Variants in BNC2 observed in about 807,000 individuals in gnomAD.
BNC2 encodes basonuclin zinc finger protein 2, also known as zinc finger protein basonuclin-2.
BNC2 carries 20 observed loss-of-function variants against 76.3 expected under a neutral mutation model. The ratio of observed to expected loss-of-function variants is 0.26; its 90% CI spans 0.18 to 0.38. The LOEUF (loss-of-function observed/expected upper bound fraction) is 0.38, where lower values mean the gene tolerates loss of function less well. Ranked by LOEUF, BNC2 falls within the 10% of genes least tolerant of loss-of-function variation. The pLI, the probability that BNC2 is intolerant of heterozygous loss-of-function variation, is 1.00. For missense variants in BNC2, 1,382 were observed against 1,399.8 expected (o/e 0.99, Z 0.20); for synonymous variants, 582 against 514.8 (o/e 1.13, Z -1.77).
chr9:16,526,681 T>C (rs545329493), intron 5 of BNC2, among the ~76,000 whole-genome samples: 19 of 152,236 alleles, frequency 1.2e-4, no homozygotes, highest in Middle Eastern at 3.4e-3. Context: ...ATATATGCCA[T>C]AATTTATTGC....
intron 1 of BNC2, among the ~76,000 whole-genome samples, chr9:16,812,594 T>C (rs1563954819): frequency 6.6e-6 from 1 of 152,182 alleles, no homozygotes; most frequent in East Asian, 1.9e-4. Context: ...TTTTGGAGTG[T>C]TTCATCTTAA....
At chr9:16,801,731 TAAA>T (rs146510714) in intron 1 of BNC2, among the ~76,000 whole-genome samples, 1 of 55,316 alleles carries the variant, frequency 1.8e-5, no homozygotes, top group Non-Finnish European at 5.5e-5. Flanking sequence ...CCCCTTAAAT[TAAA>T]AAAAAAAAAA....
At chr9:16,573,387 A>G (rs1260909497) in intron 4 of BNC2, among the ~76,000 whole-genome samples, 2 of 152,160 alleles carry the variant, frequency 1.3e-5, no homozygotes, top group Non-Finnish European at 2.9e-5. Flanking sequence ...CTTAATGACT[A>G]TTTTACATTC....
intron 3 of BNC2, among the ~76,000 whole-genome samples, chr9:16,616,069 T>A (rs1157674168): frequency 2.0e-5 from 3 of 152,176 alleles, no homozygotes; most frequent in African/African-American, 7.2e-5. Context: ...TGTGTCCAGT[T>A]GATAATGTTT....
At chr9:16,633,399 T>A (rs1821224163) in intron 3 of BNC2, among the ~76,000 whole-genome samples, 1 of 152,212 alleles carries the variant, frequency 6.6e-6, no homozygotes, top group African/African-American at 2.4e-5. Context: ...AAACTTCATT[T>A]ATGGCTACTC....
chr9:16,839,901 A>G (rs563173674), intron 1 of BNC2, among the ~76,000 whole-genome samples: 1 of 152,338 alleles, frequency 6.6e-6, no homozygotes, highest in South Asian at 2.1e-4. Flanking sequence ...CCACCACCCC[A>G]TGACAGTCAC....
intron 3 of BNC2, among the ~76,000 whole-genome samples, chr9:16,613,495 T>C (rs1270133875): frequency 1.3e-5 from 2 of 152,226 alleles, no homozygotes; most frequent in African/African-American, 2.4e-5. Context: ...TCCCCATTAC[T>C]GCTGTGCAGG....
intron 2 of BNC2, among the ~76,000 whole-genome samples, chr9:16,734,855 G>A (rs1321508957): frequency 6.6e-6 from 1 of 152,130 alleles, no homozygotes; most frequent in Non-Finnish European, 1.5e-5. Flanking sequence ...AGGACACAGG[G>A]TCAAATCACT....
intron 1 of BNC2, among the ~76,000 whole-genome samples, chr9:16,828,563 G>A (rs1029447523): frequency 5.3e-5 from 8 of 152,046 alleles, no homozygotes; most frequent in East Asian, 1.9e-4. Flanking sequence ...AGCAGACTAC[G>A]GTCCCACCAG....
chr9:16,772,152 T>C (rs937523048), intron 1 of BNC2, among the ~76,000 whole-genome samples: 1 of 152,186 alleles, frequency 6.6e-6, no homozygotes, highest in African/African-American at 2.4e-5. Context: ...CAAAGTACAA[T>C]GTATTTAATG....
intron 3 of BNC2, among the ~76,000 whole-genome samples, chr9:16,588,684 TTAAA>T (rs1416924553): frequency 9.2e-5 from 14 of 152,190 alleles, no homozygotes; most frequent in Non-Finnish European, 1.6e-4. Context: ...TATCTGAATA[TTAAA>T]TAAAAGTACA....
intron 5 of BNC2, among the ~76,000 whole-genome samples, chr9:16,477,779 T>C (rs1316369457): frequency 6.6e-6 from 1 of 152,216 alleles, no homozygotes; most frequent in Non-Finnish European, 1.5e-5. Context: ...AGGTGTTTTT[T>C]CTTGAATGCT....
At chr9:16,686,753 C>A (rs1322935662) in intron 3 of BNC2, among the ~76,000 whole-genome samples, 1 of 152,152 alleles carries the variant, frequency 6.6e-6, no homozygotes, top group Non-Finnish European at 1.5e-5. Context: ...ACTTAAACAA[C>A]GTTCAGTATA....
chr9:16,788,379 C>T (rs1476752822), intron 1 of BNC2, among the ~76,000 whole-genome samples: 1 of 151,652 alleles, frequency 6.6e-6, no homozygotes, highest in Non-Finnish European at 1.5e-5. Flanking sequence ...TGGTGAAACC[C>T]CGTCTCTACC....
intron 3 of BNC2, among the ~76,000 whole-genome samples, chr9:16,654,219 T>C (rs1449948171): frequency 2.0e-5 from 3 of 152,208 alleles, no homozygotes; most frequent in Non-Finnish European, 1.5e-5. Flanking sequence ...TTTCACTCTC[T>C]TAATGCACTC....
intron 3 of BNC2, among the ~76,000 whole-genome samples, chr9:16,703,968 T>A (rs575982115): frequency 6.6e-6 from 1 of 152,088 alleles, no homozygotes; most frequent in African/African-American, 2.4e-5. Context: ...AACAGGAACA[T>A]GAAAACAAAG....
chr9:16,631,824 G>T (rs761268604), intron 3 of BNC2, among the ~76,000 whole-genome samples: 6 of 152,124 alleles, frequency 3.9e-5, no homozygotes, highest in Non-Finnish European at 7.3e-5. Flanking sequence ...ACTCAGGTAG[G>T]GCTTTAGAAC....
chr9:16,655,113 G>A (rs1303898707), intron 3 of BNC2, among the ~76,000 whole-genome samples: 2 of 151,560 alleles, frequency 1.3e-5, no homozygotes, highest in Non-Finnish European at 2.9e-5. Flanking sequence ...ACTAGGCCAC[G>A]AGATCAGAAT....
At chr9:16,776,743 G>C (rs564140411) in intron 1 of BNC2, among the ~76,000 whole-genome samples, 142 of 152,288 alleles carry the variant, frequency 9.3e-4, no homozygotes, top group African/African-American at 3.2e-3. Context: ...GAGGTGATAT[G>C]ATGGGCAACA....
Sources: allele counts gnomAD v4.1 joint callset (sites outside exome capture counted in the v4.1 genomes callset), GRCh38; gene constraint gnomAD v4.1.1; transcripts MANE v1.5; gene names NCBI Gene and HGNC (gene_info 2026-07-23, HGNC 2026-07-21).